CSMD1: variants seen among roughly 807,000 people sequenced by gnomAD.
The protein encoded by CSMD1 is CUB and Sushi multiple domains 1.
A neutral mutation model predicts 417.5 loss-of-function variants in CSMD1; 213 were observed. The observed-to-expected ratio is 0.51, with a 90% CI of 0.46 to 0.57. CSMD1 has a LOEUF of 0.57. CSMD1 is among the 20% of genes least tolerant of loss of function. CSMD1 has a pLI of 0.00. For synonymous variants in CSMD1, 2,862 were observed against 1,736.8 expected (o/e 1.65, Z -16.11); for missense variants, 6,923 against 4,529.7 (o/e 1.53, Z -15.17).
At chr8:4,431,013 C>G (rs1050620255) in intron 2 of CSMD1, among the ~76,000 whole-genome samples, 4 of 152,144 alleles carry the variant, frequency 2.6e-5, no homozygotes, top group African/African-American at 9.7e-5. Flanking sequence ...TCTGGAAAGA[C>G]TTCGCATAAG....
chr8:3,676,768 C>G (rs1002077313), intron 7 of CSMD1, among the ~76,000 whole-genome samples: 2 of 152,046 alleles, frequency 1.3e-5, no homozygotes, highest in African/African-American at 2.4e-5. Flanking sequence ...TGGAACCAAC[C>G]CAAATGCCCA....
intron 1 of CSMD1, among the ~76,000 whole-genome samples, chr8:4,872,374 A>G (rs1171423263): frequency 6.6e-6 from 1 of 152,076 alleles, no homozygotes; most frequent in Non-Finnish European, 1.5e-5. Flanking sequence ...AGGTAATTGA[A>G]TCATGGGAGT....
intron 41 of CSMD1, among the ~76,000 whole-genome samples, chr8:3,141,614 G>C (rs1057157887): frequency 1.3e-5 from 2 of 152,086 alleles, no homozygotes; most frequent in African/African-American, 2.4e-5. Flanking sequence ...CTTGAGATAT[G>C]TTGCAGACCC....
rs75743809 is a variant in CSMD1 at position 4,288,819 on chromosome 8, C to T, written c.415+131134G>A. On this transcript the variant is annotated intron_variant, in intron 3 of 69. Coordinates refer to ENST00000635120, the MANE Select transcript of CSMD1 (RefSeq NM_033225.6). ...GCCAACATTGAGCAAAATCAAGTCC[C>T]ATTACGTCAGTAAAGCACTAATATA... Among the ~76,000 whole-genome samples, 1,250 of 152,204 alleles carry T rather than the reference C, an allele frequency of 8.2e-3. 14 individuals are homozygous for T. Among genetic ancestry groups the T allele is most frequent in the African/African-American group, 0.029 (1,214 of 41,530 alleles).
chr8:3,495,580 CTCAG>C (rs1796331478), intron 10 of CSMD1, among the ~76,000 whole-genome samples: 1 of 152,208 alleles, frequency 6.6e-6, no homozygotes, highest in Non-Finnish European at 1.5e-5. Context: ...GCTGCTGATG[CTCAG>C]TAAAAACAGA....
chr8:3,898,717 C>T (rs545783008), intron 5 of CSMD1, among the ~76,000 whole-genome samples: 1 of 152,210 alleles, frequency 6.6e-6, no homozygotes, highest in South Asian at 2.1e-4. Flanking sequence ...TGTAGGAATT[C>T]CTGAGCAGAA....
chr8:4,967,839 T>C (rs577565287), intron 1 of CSMD1, among the ~76,000 whole-genome samples: 2 of 152,260 alleles, frequency 1.3e-5, no homozygotes, highest in African/African-American at 2.4e-5. Flanking sequence ...GTTGTAACAG[T>C]TGAGATGACA....
intron 2 of CSMD1, among the ~76,000 whole-genome samples, chr8:4,444,750 A>G (rs527931064): frequency 1.5e-3 from 225 of 152,296 alleles, no homozygotes; most frequent in African/African-American, 4.7e-3. Flanking sequence ...TGATATGAAT[A>G]TGTCTACCTA....
chr8:3,354,941 A>AGATCTATCTATAGATATGTG (rs1286559287), intron 21 of CSMD1, among the ~76,000 whole-genome samples: 1 of 145,920 alleles, frequency 6.9e-6, no homozygotes, highest in Non-Finnish European at 1.5e-5. Flanking sequence ...ATAGATATAT[A>AGATCTATCTATAGATATGTG]TAGAGAGACA....
At chr8:4,891,064 T>C (rs1804090403) in intron 1 of CSMD1, among the ~76,000 whole-genome samples, 1 of 152,114 alleles carries the variant, frequency 6.6e-6, no homozygotes, top group Non-Finnish European at 1.5e-5. Context: ...AAATTAATAG[T>C]TAATAGAATA....
chr8:3,807,307 T>C (rs1348879555), intron 5 of CSMD1, among the ~76,000 whole-genome samples: 1 of 152,142 alleles, frequency 6.6e-6, no homozygotes, highest in Non-Finnish European at 1.5e-5. Context: ...CAAAATAAAA[T>C]ACAGTATCTG....
chr8:4,843,658 G>A (rs1340628941), intron 1 of CSMD1, among the ~76,000 whole-genome samples: 1 of 152,186 alleles, frequency 6.6e-6, no homozygotes, highest in Non-Finnish European at 1.5e-5. Context: ...CTTATTAAAT[G>A]AATTTCACTG....
At chr8:3,873,963 G>C (rs1330366046) in intron 5 of CSMD1, among the ~76,000 whole-genome samples, 1 of 152,186 alleles carries the variant, frequency 6.6e-6, no homozygotes, top group African/African-American at 2.4e-5. Context: ...GCAGTCTTGA[G>C]GGCTGTGTTG....
At chr8:3,588,727 A>G (rs1800710009) in intron 8 of CSMD1, among the ~76,000 whole-genome samples, 1 of 149,210 alleles carries the variant, frequency 6.7e-6, no homozygotes, top group Non-Finnish European at 1.5e-5. Context: ...AAACAGACAA[A>G]CGAGATGACA....
chr8:4,425,973 A>G (rs1797527539), intron 2 of CSMD1, among the ~76,000 whole-genome samples: 1 of 152,172 alleles, frequency 6.6e-6, no homozygotes, highest in African/African-American at 2.4e-5. Flanking sequence ...AGAGGTAGAC[A>G]TAGCCCAAAA....
At chr8:3,167,899 G>A (rs1820330964) in intron 37 of CSMD1, among the ~76,000 whole-genome samples, 2 of 152,150 alleles carry the variant, frequency 1.3e-5, no homozygotes, top group South Asian at 2.1e-4. Context: ...AGATAAAAAT[G>A]ATTTTAGAAC....
intron 1 of CSMD1, among the ~76,000 whole-genome samples, chr8:4,843,914 C>G (rs1000763047): frequency 6.6e-6 from 1 of 152,114 alleles, no homozygotes; most frequent in Admixed American, 6.6e-5. Context: ...TCTGGGTGCA[C>G]AGGAGTTAGT....
At chr8:4,120,994 C>G (rs145979137) in intron 3 of CSMD1, among the ~76,000 whole-genome samples, 3 of 152,070 alleles carry the variant, frequency 2.0e-5, no homozygotes, top group East Asian at 1.9e-4. Context: ...GAAACATGAA[C>G]CTTTTGATGG....
Position 3,877,049 on chromosome 8 carries a change from C to T in CSMD1, c.818+120854G>A, listed in dbSNP as rs868141750. Among the ~76,000 whole-genome samples, 11 of 152,080 alleles carry T rather than the reference C, an allele frequency of 7.2e-5. No individual in the cohort carries two copies. In the South Asian group the frequency reaches 1.9e-3, roughly 26 times the overall value. On this transcript the variant is annotated intron_variant, in intron 5 of 69. Transcript: ENST00000635120. ...TTTCATTTCGTATAGTGTTTTTTTGCCTGTCGTAACCACAATGTCTTAAGG... is the reference window on the plus strand; with the variant it reads ...TTTCATTTCGTATAGTGTTTTTTTGTCTGTCGTAACCACAATGTCTTAAGG...
Sources: allele counts gnomAD v4.1 joint callset (sites outside exome capture counted in the v4.1 genomes callset), GRCh38; gene constraint gnomAD v4.1.1; transcripts MANE v1.5; gene names NCBI Gene and HGNC (gene_info 2026-07-23, HGNC 2026-07-21).